Variants in PPIP5K2 observed in about 807,000 individuals in gnomAD.
PPIP5K2 encodes diphosphoinositol pentakisphosphate kinase 2, also known as inositol hexakisphosphate and diphosphoinositol-pentakisphosphate kinase 2.
In PPIP5K2, 105 loss-of-function variants were observed where a neutral mutation model predicts 154.6. The observed-to-expected ratio is 0.68, with a 90% CI of 0.58 to 0.80. The LOEUF is 0.80. PPIP5K2 is among the 30% of genes least tolerant of loss of function. The probability of loss-of-function intolerance (pLI) is 0.00; values close to 1 mark genes in which losing one functional copy is unlikely to be tolerated. For missense variants in PPIP5K2, 992 were observed against 1,504.6 expected (o/e 0.66, Z 5.64); for synonymous variants, 480 against 490.3 (o/e 0.98, Z 0.28).
chr5:103,167,262 C>A lies in PPIP5K2; in HGVS notation c.2004C>A (p.Ser668=). ...NPVKTCDKVY[S]LIQSLTSQIR... ...TGAAGACCTGTGATAAAGTTTATTC[C>A]TTAATTCAGAGTTTGACTTCTCAAA... Residue 668 remains serine (S), a synonymous_variant, in exon 18 of 31, where the codon TCC becomes TCA. Transcript: ENST00000358359. The A allele has an allele frequency of 1.3e-6, 2 of 1,593,186 alleles. No individual in the cohort carries two copies. Among genetic ancestry groups the A allele is most frequent in the Non-Finnish European group, 1.7e-6 (2 of 1,169,328 alleles).
chr5:103,195,571 A>G (rs1461520304), intron 30 of PPIP5K2, among the ~76,000 whole-genome samples: 1 of 152,164 alleles, frequency 6.6e-6, no homozygotes, highest in African/African-American at 2.4e-5. Flanking sequence ...TACTTTAATT[A>G]TGTGGCACAT....
At chr5:103,175,528 T>C (rs1197335851) in intron 21 of PPIP5K2, among the ~76,000 whole-genome samples, 1 of 152,128 alleles carries the variant, frequency 6.6e-6, no homozygotes, top group African/African-American at 2.4e-5. Flanking sequence ...TCATGAGTAA[T>C]ATAGGAACTG....
intron 19 of PPIP5K2, among the ~76,000 whole-genome samples, chr5:103,171,413 C>T (rs572697941): frequency 6.9e-4 from 104 of 151,542 alleles, no homozygotes; most frequent in Non-Finnish European, 1.1e-3. Flanking sequence ...AGTAGCATTT[C>T]CCAAAGACAG....
rs1262803756 is a variant in PPIP5K2, at chr5:103,190,966, G to A, written c.3477G>A (p.Arg1159=). Residue 1159 remains arginine (R), a synonymous_variant, in exon 29 of 31, where the codon CGG becomes CGA. Coordinates refer to ENST00000358359, the MANE Select transcript of PPIP5K2 (RefSeq NM_001276277.3). ...CTTCTCCATCATCTGACGTTCCACG[G>A]AAGACCGCTGAAATTTGTAGGAAAT... ...SIASPSSDVP[R]KTAEISSTAL... 1.9e-6 allele frequency: 3 copies of A among 1,603,886 alleles called. No homozygotes were observed. The highest frequency in any genetic ancestry group is 4.5e-5 in the East Asian group (2 of 44,734).
At chr5:103,190,017 G>T (rs1800976006) in intron 28 of PPIP5K2, among the ~76,000 whole-genome samples, 1 of 152,000 alleles carries the variant, frequency 6.6e-6, no homozygotes. Flanking sequence ...AAGCCATTCA[G>T]TTGAATGAAG....
chr5:103,196,305 ACT>A (rs575783374), intron 30 of PPIP5K2, among the ~76,000 whole-genome samples: 1 of 152,206 alleles, frequency 6.6e-6, no homozygotes, highest in South Asian at 2.1e-4. Context: ...CCAGATTATA[ACT>A]CTATCAGATT....
At chr5:103,158,404 A>G (rs1427884983) in intron 15 of PPIP5K2, 48 bp from the exon 16 acceptor site, 7 of 1,590,482 alleles carry the variant, frequency 4.4e-6, no homozygotes, top group Non-Finnish European at 6.0e-6. Context: ...TTATAGAAAT[A>G]CAATGAAATG....
chr5:103,187,511 T>C, intron 28 of PPIP5K2, 135 bp downstream of exon 28: 2 of 646,966 alleles, frequency 3.1e-6, no homozygotes, highest in Non-Finnish European at 5.1e-6. Flanking sequence ...AATTCCAACT[T>C]GTTATTCACC....
intron 26 of PPIP5K2, among the ~76,000 whole-genome samples, chr5:103,185,634 A>G (rs1800252019): frequency 6.6e-6 from 1 of 152,030 alleles, no homozygotes; most frequent in South Asian, 2.1e-4. Context: ...TTTGGATGTA[A>G]AAACTTTTGC....
In PPIP5K2 at chr5:103,209,617, T is replaced by C. The variant is rs947202908; in HGVS notation, c.*7983T>C. The C allele has an allele frequency of 2.0e-5, 3 of 152,134 alleles. No individual in the cohort carries two copies. The highest frequency in any genetic ancestry group is 7.2e-5 in the African/African-American group (3 of 41,422). 9.4% of individuals were successfully genotyped at this position (152,134 alleles called of 1,614,324 possible). On this transcript the variant is annotated 3_prime_UTR_variant, in exon 31 of 31. Coordinates refer to ENST00000358359, the MANE Select transcript of PPIP5K2 (RefSeq NM_001276277.3). ...TAGTGCTTCAGGAGTACTTGATATATGGAAGGATTTTTTTAAAAAAAAGGA... is the reference window on the plus strand; with the variant it reads ...TAGTGCTTCAGGAGTACTTGATATACGGAAGGATTTTTTTAAAAAAAAGGA...
intron 5 of PPIP5K2, among the ~76,000 whole-genome samples, chr5:103,146,167 C>A (rs1421296298): frequency 6.6e-6 from 1 of 152,056 alleles, no homozygotes; most frequent in African/African-American, 2.4e-5. Flanking sequence ...TAAATAACTT[C>A]ATGTTTTACG....
chr5:103,149,395 T>C, intron 8 of PPIP5K2, 82 bp downstream of exon 8: 17 of 1,315,388 alleles, frequency 1.3e-5, no homozygotes, highest in East Asian at 2.4e-5. Context: ...TTGGTGCTTA[T>C]AATTGGAGAA....
intron 27 of PPIP5K2, 132 bp downstream of exon 27, chr5:103,186,571 T>A: frequency 8.0e-7 from 1 of 1,251,956 alleles, no homozygotes; most frequent in Non-Finnish European, 1.1e-6. Flanking sequence ...CCTAAATGAC[T>A]ATCAGTGCTC....
Position 103,195,025 on chromosome 5 carries a change from G to T in PPIP5K2, c.3619G>T (p.Ala1207Ser), listed in dbSNP as rs782204510. The change falls in exon 30 of 31, where the codon GCT becomes TCT. Residue 1207 changes from alanine to serine, a missense_variant and splice_region_variant. By Grantham distance (99) the Ala-to-Ser change is moderately conservative. Coordinates refer to ENST00000358359, the MANE Select transcript of PPIP5K2 (RefSeq NM_001276277.3). ...LKSTKASSKP[A>S]TSGPSSAVVP... ...GAGCACTAAAGCAAGCAGCAAACCA[G>T]GTAAGGGGTGTGTGTGTTGAGTTTG... 1.9e-5 allele frequency: 31 copies of T among 1,611,756 alleles called. 1 individual carries two copies. In the South Asian group the frequency reaches 3.3e-4, roughly 17 times the overall value.
chr5:103,170,328 G>C (rs1324795610), intron 19 of PPIP5K2, among the ~76,000 whole-genome samples: 1 of 151,510 alleles, frequency 6.6e-6, no homozygotes, highest in Non-Finnish European at 1.5e-5. Flanking sequence ...AATTCTTCAA[G>C]CTCAGCTGTT....
intron 10 of PPIP5K2, among the ~76,000 whole-genome samples, chr5:103,153,532 C>T (rs1031983082): frequency 2.2e-4 from 34 of 151,832 alleles, no homozygotes; most frequent in African/African-American, 8.2e-4. Flanking sequence ...TGCTATGGAT[C>T]AGATATATAA....
Position 103,134,863 on chromosome 5 carries a change from T to G in PPIP5K2, c.310+1215T>G, listed in dbSNP as rs17155095. ...AATTCTGAGAGTCTTTATAAAACTT[T>G]CAGGATTTGTAATTTGTGGCTAAGT... On this transcript the variant is annotated intron_variant, in intron 3 of 30. Transcript: ENST00000358359. 9.8e-3 allele frequency among the ~76,000 whole-genome samples: 1,486 copies of G among 152,312 alleles called. 9 individuals are homozygous for G. Among genetic ancestry groups the G allele is most frequent in the African/African-American group, 0.013 (529 of 41,562 alleles).
intron 11 of PPIP5K2, 56 bp downstream of exon 11, chr5:103,153,990 A>G: frequency 7.6e-7 from 1 of 1,312,512 alleles, no homozygotes; most frequent in Non-Finnish European, 1.1e-6. Context: ...GATTTCTGAT[A>G]AGTGATCAAC....
At chr5:103,199,724 G>A (rs370903561) in intron 30 of PPIP5K2, among the ~76,000 whole-genome samples, 35 of 151,558 alleles carry the variant, frequency 2.3e-4, no homozygotes, top group African/African-American at 8.2e-4. Flanking sequence ...TTTTCATTCT[G>A]TTGTTAAACC....
Sources: allele counts gnomAD v4.1 joint callset (sites outside exome capture counted in the v4.1 genomes callset), GRCh38; gene constraint gnomAD v4.1.1; transcripts MANE v1.5; gene names NCBI Gene and HGNC (gene_info 2026-07-23, HGNC 2026-07-21).